Variants in EIF3I observed in about 807,000 individuals in gnomAD.
The protein encoded by EIF3I is eukaryotic translation initiation factor 3 subunit I, also known as TGF-beta receptor-interacting protein 1.
Under a neutral mutation model 43.3 loss-of-function variants are expected in EIF3I, and 20 were observed. That is an observed-to-expected ratio of 0.46 (90% CI 0.32 to 0.67). The LOEUF (loss-of-function observed/expected upper bound fraction) is 0.67. Ranked by LOEUF, EIF3I falls within the 30% of genes least tolerant of loss-of-function variation. The pLI is 0.03. For synonymous variants in EIF3I, 167 were observed against 151.7 expected, an observed-to-expected ratio of 1.10 and a Z score of -0.74; for missense variants, 279 against 421.4, an observed-to-expected ratio of 0.66 and a Z score of 2.96.
At chr1:32,225,191 G>C (rs1160093226) in intron 4 of EIF3I, among the ~76,000 whole-genome samples, 1 of 151,954 alleles carries the variant, frequency 6.6e-6, no homozygotes, top group African/African-American at 2.4e-5. Flanking sequence ...GGCCAGGCTG[G>C]TCTCGAACTC....
intron 10 of EIF3I, 61 bp from the exon 10 acceptor site, chr1:32,230,866 C>A: frequency 8.1e-7 from 1 of 1,230,592 alleles, no homozygotes; most frequent in Non-Finnish European, 1.2e-6. Flanking sequence ...TGGGGAGTGC[C>A]ACCTCCAAAG....
exon 2 of EIF3I, chr1:32,222,546 C>A: frequency 6.2e-7 from 1 of 1,614,168 alleles, no homozygotes; most frequent in Non-Finnish European, 8.5e-7. Flanking sequence ...AGAAGCCGAT[C>A]CTACTGCAGG....
chr1:32,224,329 G>T, intron 3 of EIF3I, 81 bp from the exon 4 acceptor site: 1 of 1,299,526 alleles, frequency 7.7e-7, no homozygotes, highest in East Asian at 2.3e-5. Flanking sequence ...CTTTGGGGCT[G>T]AACAGGGAGA....
At chr1:32,223,789 C>T (rs945033658) in intron 2 of EIF3I, among the ~76,000 whole-genome samples, 2 of 152,066 alleles carry the variant, frequency 1.3e-5, no homozygotes, top group Non-Finnish European at 2.9e-5. Flanking sequence ...GTTGGGAGTC[C>T]CAGGAGAGCT....
chr1:32,223,260 C>T (rs1210248595), intron 2 of EIF3I, among the ~76,000 whole-genome samples: 1 of 152,200 alleles, frequency 6.6e-6, no homozygotes, highest in Non-Finnish European at 1.5e-5. Context: ...CCTCATGATA[C>T]TGCCTTTTGA....
Position 32,224,483 on chromosome 1 carries a change from G to A in EIF3I, c.250+8G>A. The A allele has an allele frequency of 6.2e-7, 1 of 1,612,058 alleles. No homozygotes were observed. Among genetic ancestry groups the A allele is most frequent in the Non-Finnish European group, 8.5e-7 (1 of 1,179,024 alleles). On this transcript the variant is annotated splice_region_variant and intron_variant, in intron 4 of 11. Transcript: ENST00000676679. ...TCTGGGACTGTGAAACAGGTAAGCT[G>A]GGTTCATTCACCTTTTTAGCAAATA...
At chr1:32,228,582 G>A in exon 7 of EIF3I, 3 of 1,614,144 alleles carry the variant, frequency 1.9e-6, no homozygotes, top group Non-Finnish European at 2.5e-6. Context: ...CCATGTTTGT[G>A]ACCGCGTCCA....
chr1:32,226,789 C>G (rs1051475538), intron 6 of EIF3I, among the ~76,000 whole-genome samples: 1 of 142,664 alleles, frequency 7.0e-6, no homozygotes, highest in African/African-American at 2.6e-5. Context: ...AGTCTGGTCA[C>G]GAACTCCTGA....
At chr1:32,234,684 G>A (rs2124273711), downstream of EIF3I, 1 of 152,778 alleles carries the variant, frequency 6.5e-6, no homozygotes, top group East Asian at 1.9e-4. Flanking sequence ...GGGTAAGGCT[G>A]GGGTTGGGTG....
downstream of EIF3I, among the ~76,000 whole-genome samples, chr1:32,235,508 G>A (rs1358884276): frequency 2.6e-5 from 4 of 152,144 alleles, no homozygotes; most frequent in East Asian, 7.7e-4. Flanking sequence ...TTTTTGCATT[G>A]TTAGGTTTCA....
chr1:32,228,893 C>T (rs1053410382), intron 8 of EIF3I, 77 bp downstream of exon 8: 16 of 1,301,502 alleles, frequency 1.2e-5, no homozygotes, highest in Admixed American at 9.3e-5. Context: ...AGAAGTTGGG[C>T]TACAACATTG....
At chr1:32,229,479 A>T (rs977755059) in intron 9 of EIF3I, among the ~76,000 whole-genome samples, 4 of 148,050 alleles carry the variant, frequency 2.7e-5, no homozygotes, top group Admixed American at 6.8e-5. Context: ...CGATCTCCTG[A>T]CCTCGTGATA....
chr1:32,225,287 G>C (rs1360910248), intron 4 of EIF3I, among the ~76,000 whole-genome samples: 1 of 152,218 alleles, frequency 6.6e-6, no homozygotes, highest in Non-Finnish European at 1.5e-5. Context: ...AAGCTGTTCT[G>C]TTTAGTGCCA....
At chr1:32,228,877 T>A (rs1423027974) in intron 8 of EIF3I, 61 bp downstream of exon 8, 1 of 1,410,142 alleles carries the variant, frequency 7.1e-7, no homozygotes, top group Non-Finnish European at 9.9e-7. Context: ...TTCTAGATGC[T>A]TGTCCAGAAG....
chr1:32,230,792 C>G, intron 10 of EIF3I, 135 bp from the exon 10 acceptor site: 1 of 669,196 alleles, frequency 1.5e-6, no homozygotes. Context: ...CCACTGTACT[C>G]CACCCTGGGT....
At chr1:32,231,115 C>T (rs781346675) in exon 12 of EIF3I, 1 of 1,614,126 alleles carries the variant, frequency 6.2e-7, no homozygotes, top group Non-Finnish European at 8.5e-7. Context: ...CTTTTTCCAG[C>T]TACAGCAGCG....
chr1:32,228,720 TCTCCAG>T lies in EIF3I; in HGVS notation c.640-4_641del, dbSNP rs1490581578. 1 of 1,613,642 alleles carries T rather than the reference TCTCCAG, an allele frequency of 6.2e-7. No individual in the cohort carries two copies. On this transcript the variant is annotated splice_acceptor_variant and splice_polypyrimidine_tract_variant and intron_variant, in intron 7 of 11. Coordinates refer to ENST00000676679, the Ensembl canonical transcript of EIF3I. LOFTEE classifies it high-confidence loss of function. Reference sequence around the variant, plus strand: ...TTACAGATTTCCCCCCTGCCTTCTCTCTCCAGCTTTTTGACTCCACAACTCTTGAAC... The same window carrying T: ...TTACAGATTTCCCCCCTGCCTTCTCTCTTTTTGACTCCACAACTCTTGAAC...
At chr1:32,232,561 C>T (rs1639253154), downstream of EIF3I, among the ~76,000 whole-genome samples, 1 of 152,076 alleles carries the variant, frequency 6.6e-6, no homozygotes, top group South Asian at 2.1e-4. Flanking sequence ...GGGAAAGGGC[C>T]CACTGTGAAT....
At chr1:32,224,437 C>T in exon 4 of EIF3I, 1 of 1,613,802 alleles carries the variant, frequency 6.2e-7, no homozygotes, top group Non-Finnish European at 8.5e-7. Context: ...CTCACTGGCT[C>T]AGCTGACAAC....
Sources: allele counts gnomAD v4.1 joint callset (sites outside exome capture counted in the v4.1 genomes callset), GRCh38; gene constraint gnomAD v4.1.1; transcripts MANE v1.5; gene names NCBI Gene and HGNC (gene_info 2026-07-23, HGNC 2026-07-21).